KCNT2: variants seen among roughly 807,000 people sequenced by gnomAD.
KCNT2 encodes potassium channel subfamily T member 2.
KCNT2 carries 67 observed loss-of-function variants against 153.8 expected under a neutral mutation model. The ratio of observed to expected loss-of-function variants is 0.44; its 90% CI spans 0.36 to 0.53. The LOEUF is 0.53. Ranked by LOEUF, KCNT2 falls within the 20% of genes least tolerant of loss-of-function variation. The pLI, the probability that KCNT2 is intolerant of heterozygous loss-of-function variation, is 0.00. For synonymous variants in KCNT2, 500 were observed against 458.8 expected (o/e 1.09, Z -1.15); for missense variants, 975 against 1,354.8 (o/e 0.72, Z 4.40).
At position 196,226,020 on chromosome 1, in the gene KCNT2, G is replaced by A. The variant is rs190002572; in HGVS notation, c.*2204C>T. The A allele has an allele frequency of 1.3e-5, 2 of 151,960 alleles. No individual in the cohort carries two copies. The highest frequency in any genetic ancestry group is 3.9e-4 in the East Asian group (2 of 5,190). The allele number at this position is 151,960 out of a possible 1,614,324, so 9.4% of individuals were successfully genotyped here. On this transcript the variant is annotated 3_prime_UTR_variant, in exon 28 of 28. Coordinates refer to ENST00000294725, the MANE Select transcript of KCNT2 (RefSeq NM_198503.5). Reference sequence around the variant, plus strand: ...GAAAGACTAATAAATTATCATTATTGTAGCAAGCTGGTATGAACTGTGTCA... The same window carrying A: ...GAAAGACTAATAAATTATCATTATTATAGCAAGCTGGTATGAACTGTGTCA...
intron 8 of KCNT2, among the ~76,000 whole-genome samples, chr1:196,458,844 C>T (rs1371575957): frequency 6.6e-6 from 1 of 151,888 alleles, no homozygotes; most frequent in Non-Finnish European, 1.5e-5. Flanking sequence ...CCCTATGAAT[C>T]TCATTGCTGT....
intron 26 of KCNT2, among the ~76,000 whole-genome samples, chr1:196,237,766 G>A (rs1158842387): frequency 6.6e-6 from 1 of 151,714 alleles, no homozygotes; most frequent in African/African-American, 2.4e-5. Flanking sequence ...AAACCTGGTG[G>A]TCATATCTAG....
chr1:196,350,884 G>A (rs948998784), intron 14 of KCNT2, among the ~76,000 whole-genome samples: 2 of 152,056 alleles, frequency 1.3e-5, no homozygotes, highest in African/African-American at 4.8e-5. Context: ...TTTTGTATAA[G>A]GTGTAAGGAA....
At chr1:196,541,781 T>C (rs1412879629) in intron 1 of KCNT2, among the ~76,000 whole-genome samples, 2 of 152,112 alleles carry the variant, frequency 1.3e-5, no homozygotes, top group South Asian at 2.1e-4. Flanking sequence ...AATTCTATAC[T>C]ATTAACCACT....
chr1:196,532,697 G>T (rs186111003), intron 1 of KCNT2, among the ~76,000 whole-genome samples: 1 of 152,060 alleles, frequency 6.6e-6, no homozygotes, highest in Admixed American at 6.6e-5. Flanking sequence ...CTCTGTTGCT[G>T]AGCCAAAATA....
At chr1:196,508,719 A>G (rs1681358852) in intron 1 of KCNT2, among the ~76,000 whole-genome samples, 1 of 152,226 alleles carries the variant, frequency 6.6e-6, no homozygotes, top group South Asian at 2.1e-4. Flanking sequence ...CAGGAAATAT[A>G]CATAAGACTA....
chr1:196,344,196 T>C (rs1665938636), intron 14 of KCNT2, among the ~76,000 whole-genome samples: 1 of 152,194 alleles, frequency 6.6e-6, no homozygotes. Context: ...AGAAATCACT[T>C]GGGAGATGTT....
chr1:196,341,192 C>A (rs1189286052), intron 15 of KCNT2, among the ~76,000 whole-genome samples: 1 of 151,974 alleles, frequency 6.6e-6, no homozygotes, highest in African/African-American at 2.4e-5. Flanking sequence ...GCTAGCCTAA[C>A]AAATATCATA....
chr1:196,474,678 T>C (rs924299787), intron 5 of KCNT2, among the ~76,000 whole-genome samples: 1 of 152,186 alleles, frequency 6.6e-6, no homozygotes, highest in Non-Finnish European at 1.5e-5. Context: ...TGTGCCAGAG[T>C]TTGTTTTTGT....
chr1:196,561,324 A>G (rs549446818), intron 1 of KCNT2, among the ~76,000 whole-genome samples: 151 of 151,874 alleles, frequency 9.9e-4, no homozygotes, highest in African/African-American at 3.4e-3. Context: ...AAGAGATTAG[A>G]GGAATGGACT....
intron 10 of KCNT2, among the ~76,000 whole-genome samples, chr1:196,427,464 C>G (rs1673754341): frequency 6.6e-6 from 1 of 151,870 alleles, no homozygotes; most frequent in South Asian, 2.1e-4. Flanking sequence ...AGACTAAGTG[C>G]AGTAAGCAGG....
At chr1:196,397,952 A>C (rs1421379055) in intron 13 of KCNT2, among the ~76,000 whole-genome samples, 1 of 151,312 alleles carries the variant, frequency 6.6e-6, no homozygotes, top group East Asian at 2.0e-4. Context: ...TTTTTACAGA[A>C]GCATTTAAGA....
At chr1:196,254,351 A>G (rs1402599466) in intron 26 of KCNT2, among the ~76,000 whole-genome samples, 1 of 151,520 alleles carries the variant, frequency 6.6e-6, no homozygotes, top group Non-Finnish European at 1.5e-5. Context: ...TATATTAGGA[A>G]AAGCTAAATG....
At chr1:196,606,232 T>C (rs1665306139) in intron 1 of KCNT2, among the ~76,000 whole-genome samples, 1 of 152,198 alleles carries the variant, frequency 6.6e-6, no homozygotes, top group African/African-American at 2.4e-5. Flanking sequence ...AATCTCATAA[T>C]GGCTGAATGA....
At chr1:196,474,941 T>C (rs1678400416) in intron 5 of KCNT2, among the ~76,000 whole-genome samples, 1 of 152,202 alleles carries the variant, frequency 6.6e-6, no homozygotes, top group Non-Finnish European at 1.5e-5. Context: ...AAACTCAACA[T>C]GTACTTTAAT....
chr1:196,568,034 G>T (rs1488979373), intron 1 of KCNT2, among the ~76,000 whole-genome samples: 3 of 152,084 alleles, frequency 2.0e-5, no homozygotes, highest in Non-Finnish European at 4.4e-5. Context: ...GATCTCAACT[G>T]GGTTAAGTAT....
intron 2 of KCNT2, among the ~76,000 whole-genome samples, chr1:196,491,542 T>TA (rs949488568): frequency 7.9e-5 from 12 of 151,902 alleles, no homozygotes; most frequent in South Asian, 2.1e-4. Flanking sequence ...GCAATGACCA[T>TA]AAAAAAAATT....
intron 11 of KCNT2, among the ~76,000 whole-genome samples, chr1:196,423,747 A>AAT (rs397721461): frequency 6.7e-6 from 1 of 149,812 alleles, no homozygotes; most frequent in Admixed American, 6.7e-5. Flanking sequence ...AAAAAAAAAA[A>AAT]TGGTTTCTAT....
At chr1:196,553,690 C>G (rs1298650521) in intron 1 of KCNT2, among the ~76,000 whole-genome samples, 1 of 151,150 alleles carries the variant, frequency 6.6e-6, no homozygotes, top group Non-Finnish European at 1.5e-5. Flanking sequence ...AATATGCATT[C>G]TTTTCCTCAG....
Sources: allele counts gnomAD v4.1 joint callset (sites outside exome capture counted in the v4.1 genomes callset), GRCh38; gene constraint gnomAD v4.1.1; transcripts MANE v1.5; gene names NCBI Gene and HGNC (gene_info 2026-07-23, HGNC 2026-07-21).